METTL22: variants seen among roughly 807,000 people sequenced by gnomAD.
METTL22 encodes the protein methyltransferase-like protein 22.
In METTL22, 51 loss-of-function variants were observed where a neutral mutation model predicts 48.4. The observed-to-expected ratio is 1.05, with a 90% CI of 0.84 to 1.33. METTL22 has a LOEUF of 1.33. METTL22 is among the 40% of genes most tolerant of loss of function. The pLI is 0.00. For synonymous variants in METTL22, 255 were observed against 214.1 expected (o/e 1.19, Z -1.67); for missense variants, 678 against 526.9 (o/e 1.29, Z -2.81).
chr16:8,657,824 C>CTTTTCTTTTTTTTTTTTTTTT, the METTL22 span, among the ~76,000 whole-genome samples: 2 of 137,434 alleles, frequency 1.5e-5, no homozygotes, highest in Admixed American at 7.3e-5. Context: ...TCTTTTCTTT[C>CTTTTCTTTTTTTTTTTTTTTT]TTTTTTTTTT....
chr16:8,638,609 C>T (rs572399498), intron 5 of METTL22, among the ~76,000 whole-genome samples: 1 of 151,988 alleles, frequency 6.6e-6, no homozygotes, highest in African/African-American at 2.4e-5. Flanking sequence ...TCCTTCTGAC[C>T]GGAAAACTGG....
intron 1 of METTL22, among the ~76,000 whole-genome samples, chr16:8,622,596 C>A (rs796731952): frequency 3.9e-5 from 6 of 152,306 alleles, no homozygotes; most frequent in African/African-American, 1.2e-4. Flanking sequence ...GAAACTGTTA[C>A]CTTTTTTCTT....
At chr16:8,623,517 T>G (rs2055933861) in intron 1 of METTL22, 1 of 152,126 alleles carries the variant, frequency 6.6e-6, no homozygotes, top group South Asian at 2.1e-4. Context: ...ATAAGCTGTA[T>G]TTTCTCTTCT....
At chr16:8,622,065 A>C (rs1198416271) in intron 1 of METTL22, among the ~76,000 whole-genome samples, 2 of 152,200 alleles carry the variant, frequency 1.3e-5, no homozygotes, top group Non-Finnish European at 2.9e-5. Context: ...GTTAACCCAC[A>C]AGGGTGGCGT....
downstream of METTL22, among the ~76,000 whole-genome samples, chr16:8,650,100 A>G (rs2056872275): frequency 6.6e-6 from 1 of 152,132 alleles, no homozygotes; most frequent in Admixed American, 6.5e-5. Context: ...CAAAGGCAGG[A>G]GGATTACTTG....
At position 8,644,573 on chromosome 16, in the gene METTL22, A is replaced by G; in HGVS notation, c.1027A>G (p.Arg343Gly). 1.3e-6 allele frequency: 2 copies of G among 1,565,100 alleles called. No individual in the cohort carries two copies. The highest frequency in any genetic ancestry group is 1.7e-6 in the Non-Finnish European group (2 of 1,152,092). The change falls in exon 10 of 11, where the codon AGA becomes GGA. Residue 343 changes from arginine (R) to glycine (G), a missense_variant. By Grantham distance (125) the Arg-to-Gly change is moderately radical. Transcript: ENST00000381920. ...SVEKRLNFTL[R>G]HLDVTCEAYD... ...GGTTTGCAGGCTCAACTTCACATTG[A>G]GACACTTGGACGTCACATGTGAAGC...
the METTL22 span, among the ~76,000 whole-genome samples, chr16:8,661,160 A>G: frequency 0.58 from 88,578 of 151,696 alleles, 28,018 homozygotes; most frequent in East Asian, 0.89. Flanking sequence ...TCATGAATCC[A>G]GGGCCAGACG....
chr16:8,630,963 A>G (rs2056239671), intron 3 of METTL22, among the ~76,000 whole-genome samples: 1 of 152,206 alleles, frequency 6.6e-6, no homozygotes, highest in African/African-American at 2.4e-5. Flanking sequence ...TTCACAAGCC[A>G]GGTGACCAGA....
chr16:8,640,385 G>A (rs2056559793), intron 6 of METTL22, among the ~76,000 whole-genome samples: 1 of 151,940 alleles, frequency 6.6e-6, no homozygotes, highest in Admixed American at 6.6e-5. Flanking sequence ...CTCTCCTAGG[G>A]GAGCTGGTCT....
intron 8 of METTL22, 62 bp downstream of exon 8, chr16:8,642,269 T>G (rs958851668): frequency 1.4e-6 from 2 of 1,437,246 alleles, no homozygotes; most frequent in Middle Eastern, 1.7e-4. Context: ...AAGTGCAGTC[T>G]CTCCTCACTT....
intron 9 of METTL22, 112 bp from the exon 10 acceptor site, chr16:8,644,445 C>G (rs1051015478): frequency 1.8e-6 from 2 of 1,102,528 alleles, no homozygotes; most frequent in Admixed American, 5.3e-5. Flanking sequence ...TCAGTAAAAG[C>G]CCGTCCAGGG....
chr16:8,628,727 C>T lies in METTL22; in HGVS notation c.134-3C>T. On this transcript the variant is annotated splice_region_variant and splice_polypyrimidine_tract_variant and intron_variant, in intron 2 of 10. Transcript: ENST00000381920. ...TCATTTTGCGTTCTGTCTTGCCTTT[C>T]AGTTTTCCTGTCCCAATTCAAGCTT... is the stretch of plus-strand genomic sequence containing the variant. 6.3e-7 allele frequency: 1 copy of T among 1,597,194 alleles called. No individual in the cohort carries two copies. Among genetic ancestry groups the T allele is most frequent in the East Asian group, 2.2e-5 (1 of 44,588 alleles).
At chr16:8,655,404 T>C in the METTL22 span, among the ~76,000 whole-genome samples, 2 of 152,352 alleles carry the variant, frequency 1.3e-5, no homozygotes, top group East Asian at 3.9e-4. Flanking sequence ...TTCTCTGCCA[T>C]GTGGGCCTCT....
chr16:8,663,287 TA>T, the METTL22 span, among the ~76,000 whole-genome samples: 1 of 151,890 alleles, frequency 6.6e-6, no homozygotes, highest in South Asian at 2.1e-4. Context: ...GCATTTCTAT[TA>T]ACTGTGTGTC....
chr16:8,649,291 C>G lies in METTL22; in HGVS notation c.*3148C>G, dbSNP rs1221951213. On this transcript the variant is annotated 3_prime_UTR_variant, in exon 11 of 11. Transcript: ENST00000381920. ...TTCATTTCCCAGAGTGGGAGCGCGC[C>G]CCCATTGCCATGTTTTATGGCCTTG... 6.6e-6 allele frequency: 1 copy of G among 152,148 alleles called. No homozygotes were observed. Among genetic ancestry groups the G allele is most frequent in the Non-Finnish European group, 1.5e-5 (1 of 68,024 alleles). The allele number at this position is 152,148 out of a possible 1,614,324, so 9.4% of individuals were successfully genotyped here.
intron 6 of METTL22, among the ~76,000 whole-genome samples, 185 bp from the exon 7 acceptor site, chr16:8,640,946 G>GTGGA (rs1555475033): frequency 2.8e-5 from 1 of 35,218 alleles, no homozygotes; most frequent in Admixed American, 3.4e-4. Flanking sequence ...GGATGGATGG[G>GTGGA]TGGGTGGATG....
At position 8,628,903 on chromosome 16, in the gene METTL22, G is replaced by A. The variant is rs780124450; in HGVS notation, c.307G>A (p.Gly103Arg). Residue 103 changes from glycine to arginine, a missense_variant, in exon 3 of 11, where the codon GGG becomes AGG. By Grantham distance (125) the Gly-to-Arg change is moderately radical. Transcript: ENST00000381920. ...HGNEGFSLQA[G>R]TDTTGQEVAE... ...TAATGAGGGTTTCTCCCTCCAGGCC[G>A]GGACTGACACCACTGGCCAGGAAGT... 1.9e-5 allele frequency: 31 copies of A among 1,613,958 alleles called. 1 individual carries two copies. The highest frequency in any genetic ancestry group is 5.5e-5 in the South Asian group (5 of 91,070).
chr16:8,646,425 G>T lies in METTL22; in HGVS notation c.*282G>T. The T allele has an allele frequency of 1.5e-6, 1 of 662,486 alleles. No individual in the cohort carries two copies. Among genetic ancestry groups the T allele is most frequent in the South Asian group, 1.5e-5 (1 of 66,398 alleles). The allele number at this position is 662,486 out of a possible 1,614,324, so 41.0% of individuals were successfully genotyped here. A position where few individuals can be genotyped will look rare whatever the true frequency, so the allele number is the denominator to read the frequency against. On this transcript the variant is annotated 3_prime_UTR_variant, in exon 11 of 11. Transcript: ENST00000381920. Reference sequence around the variant, plus strand: ...CCGAGCCACGTTCCTTCTCAGCTCAGTTCCACCCACGTCAGTCATTTCAGC... The same window carrying T: ...CCGAGCCACGTTCCTTCTCAGCTCATTTCCACCCACGTCAGTCATTTCAGC...
chr16:8,653,567 A>C (rs1269746178), downstream of METTL22, among the ~76,000 whole-genome samples: 1 of 152,258 alleles, frequency 6.6e-6, no homozygotes, highest in Non-Finnish European at 1.5e-5. Context: ...AAAGCCAAGT[A>C]AAGTTCAGTG....
Sources: allele counts gnomAD v4.1 joint callset (sites outside exome capture counted in the v4.1 genomes callset), GRCh38; gene constraint gnomAD v4.1.1; transcripts MANE v1.5; gene names NCBI Gene and HGNC (gene_info 2026-07-23, HGNC 2026-07-21).